CSMD1: variants seen among roughly 807,000 people sequenced by gnomAD.
CSMD1 encodes the protein CUB and Sushi multiple domains 1.
CSMD1 carries 213 observed loss-of-function variants against 417.5 expected under a neutral mutation model. The observed-to-expected ratio is 0.51, with a 90% CI of 0.46 to 0.57. The LOEUF is 0.57. Among genes scored for constraint, CSMD1 ranks in the 20% least tolerant of loss-of-function variants. The pLI is 0.00. For synonymous variants in CSMD1, 2,862 were observed against 1,736.8 expected, an observed-to-expected ratio of 1.65 and a Z score of -16.11; for missense variants, 6,923 against 4,529.7, an observed-to-expected ratio of 1.53 and a Z score of -15.17.
intron 12 of CSMD1, among the ~76,000 whole-genome samples, chr8:3,436,341 G>A (rs537273845): frequency 6.6e-6 from 1 of 152,174 alleles, no homozygotes; most frequent in South Asian, 2.1e-4. Context: ...CCATGAGACA[G>A]GTTATATATT....
At chr8:4,827,119 A>G (rs1799880131) in intron 1 of CSMD1, among the ~76,000 whole-genome samples, 1 of 152,168 alleles carries the variant, frequency 6.6e-6, no homozygotes, top group Non-Finnish European at 1.5e-5. Context: ...GTGAAGCAGA[A>G]TCAATCAGCT....
intron 2 of CSMD1, among the ~76,000 whole-genome samples, chr8:4,507,382 A>G (rs1335671188): frequency 6.6e-6 from 1 of 152,202 alleles, no homozygotes; most frequent in Non-Finnish European, 1.5e-5. Flanking sequence ...AGTTGGTGCT[A>G]TATATAACAT....
rs557774097 is a variant in CSMD1 at position 3,928,598 on chromosome 8, T to C, written c.818+69305A>G. Among the ~76,000 whole-genome samples, 9 of 150,948 alleles carry C rather than the reference T, an allele frequency of 6.0e-5. 1 individual carries two copies. The highest frequency in any genetic ancestry group is 1.7e-4 in the African/African-American group (7 of 41,068). On this transcript the variant is annotated intron_variant, in intron 5 of 69. Coordinates refer to ENST00000635120, the MANE Select transcript of CSMD1 (RefSeq NM_033225.6). Reference sequence around the variant, plus strand: ...CAAGTAGTTCCATCCACCAATATAATAGATGATGTCATAAGAAGGAGAAGG... The same window carrying C: ...CAAGTAGTTCCATCCACCAATATAACAGATGATGTCATAAGAAGGAGAAGG...
At chr8:4,480,094 T>C (rs920292370) in intron 2 of CSMD1, among the ~76,000 whole-genome samples, 1 of 151,672 alleles carries the variant, frequency 6.6e-6, no homozygotes, top group Non-Finnish European at 1.5e-5. Flanking sequence ...AGCTGAACCA[T>C]GACCAGTTAA....
At chr8:3,413,900 A>G (rs189106094) in intron 12 of CSMD1, among the ~76,000 whole-genome samples, 1 of 152,058 alleles carries the variant, frequency 6.6e-6, no homozygotes, top group Admixed American at 6.6e-5. Flanking sequence ...GCACTTTGGA[A>G]GGCCGAGGTG....
intron 5 of CSMD1, among the ~76,000 whole-genome samples, chr8:3,898,318 T>C (rs561538600): frequency 5.9e-5 from 9 of 152,276 alleles, no homozygotes; most frequent in Middle Eastern, 3.4e-3. Flanking sequence ...GGACAACTAC[T>C]CTGATGTTAT....
At chr8:4,291,289 A>T (rs1797346023) in intron 3 of CSMD1, among the ~76,000 whole-genome samples, 1 of 152,124 alleles carries the variant, frequency 6.6e-6, no homozygotes, top group Admixed American at 6.6e-5. Flanking sequence ...TATGGATTAA[A>T]AGTCAAGATA....
At chr8:3,466,285 A>G (rs1318309205) in intron 12 of CSMD1, among the ~76,000 whole-genome samples, 3 of 152,184 alleles carry the variant, frequency 2.0e-5, no homozygotes, top group Non-Finnish European at 4.4e-5. Flanking sequence ...CAGCAGAACC[A>G]GTATTCAGGG....
chr8:3,821,758 G>T (rs905115597), intron 5 of CSMD1, among the ~76,000 whole-genome samples: 4 of 152,070 alleles, frequency 2.6e-5, no homozygotes, highest in Non-Finnish European at 5.9e-5. Context: ...CTCCAGCCTG[G>T]GTGACAGAGT....
chr8:4,919,293 T>C (rs149724013), intron 1 of CSMD1, among the ~76,000 whole-genome samples: 130 of 152,302 alleles, frequency 8.5e-4, no homozygotes, highest in African/African-American at 3.0e-3. Context: ...TTAGAGTATA[T>C]TTAGAACCAC....
chr8:3,782,364 G>C (rs948711463), intron 5 of CSMD1, among the ~76,000 whole-genome samples: 3 of 152,116 alleles, frequency 2.0e-5, no homozygotes, highest in East Asian at 1.9e-4. Context: ...ACTCCGGCAA[G>C]TCAATCTTTA....
chr8:2,963,285 G>T lies in CSMD1; in HGVS notation c.9391C>A (p.His3131Asn). 6.2e-7 allele frequency: 1 copy of T among 1,613,980 alleles called. No homozygotes were observed. The change falls in exon 60 of 70, where the codon CAC (histidine) becomes AAC (asparagine). Residue 3131 changes from histidine (H) to asparagine (N), a missense_variant. Coordinates refer to ENST00000635120, the MANE Select transcript of CSMD1 (RefSeq NM_033225.6). ...CCTTCACAGGAGAGGATGGCGGAGT[G>T]AGAGAGCTGGTAACCGTCCATGCAG... ...YSCMDGYQLS[H>N]SAILSCEGRG...
intron 1 of CSMD1, among the ~76,000 whole-genome samples, chr8:4,674,156 G>A (rs941652354): frequency 1.3e-5 from 2 of 152,270 alleles, no homozygotes; most frequent in South Asian, 2.1e-4. Context: ...AACCATAGAT[G>A]AGGTGGGAAA....
At chr8:3,380,616 ACT>A (rs1810572116) in intron 18 of CSMD1, among the ~76,000 whole-genome samples, 1 of 152,132 alleles carries the variant, frequency 6.6e-6, no homozygotes, top group African/African-American at 2.4e-5. Context: ...GGAAACCATC[ACT>A]GTCGGTAGAC....
intron 3 of CSMD1, among the ~76,000 whole-genome samples, chr8:4,284,852 A>T (rs1016399142): frequency 6.6e-6 from 1 of 152,084 alleles, no homozygotes; most frequent in African/African-American, 2.4e-5. Context: ...ACAAAGAAAC[A>T]AAAACAAAAA....
At chr8:4,688,457 G>A (rs1806534094) in intron 1 of CSMD1, among the ~76,000 whole-genome samples, 1 of 152,094 alleles carries the variant, frequency 6.6e-6, no homozygotes, top group Non-Finnish European at 1.5e-5. Context: ...GGTCCCTGCT[G>A]CCAGCAGGCG....
intron 5 of CSMD1, among the ~76,000 whole-genome samples, chr8:3,944,880 G>A (rs902385745): frequency 1.3e-5 from 2 of 152,142 alleles, no homozygotes; most frequent in African/African-American, 4.8e-5. Flanking sequence ...ATTCTGGGTT[G>A]TGTTTTCTAA....
chr8:4,507,836 T>C lies in CSMD1; in HGVS notation c.303-87771A>G, dbSNP rs560135183. ...TGCTTGTATGACCAAAAGGTTTCTT[T>C]GGAGCTGAAGGAAAAATTATACACT... is the stretch of plus-strand genomic sequence containing the variant. On this transcript the variant is annotated intron_variant, in intron 2 of 69. Coordinates refer to ENST00000635120, the MANE Select transcript of CSMD1 (RefSeq NM_033225.6). Among the ~76,000 whole-genome samples, 14 of 152,296 alleles carry C rather than the reference T, an allele frequency of 9.2e-5. No individual in the cohort carries two copies. The East Asian group carries it at 2.3e-3, about 25-fold the overall frequency.
intron 5 of CSMD1, among the ~76,000 whole-genome samples, chr8:3,758,953 G>A (rs968156608): frequency 1.4e-4 from 22 of 152,188 alleles, no homozygotes; most frequent in Non-Finnish European, 2.6e-4. Flanking sequence ...TCAGAGTGAC[G>A]CATTGAGGGC....
Sources: allele counts gnomAD v4.1 joint callset (sites outside exome capture counted in the v4.1 genomes callset), GRCh38; gene constraint gnomAD v4.1.1; transcripts MANE v1.5; gene names NCBI Gene and HGNC (gene_info 2026-07-23, HGNC 2026-07-21).